MYLK4: variants seen among roughly 807,000 people sequenced by gnomAD.
MYLK4 encodes the protein myosin light chain kinase family member 4, also known as caMLCK like.
Under a neutral mutation model 48.1 loss-of-function variants are expected in MYLK4, and 46 were observed. That is an observed-to-expected ratio of 0.96 (90% CI 0.75 to 1.22). The LOEUF (loss-of-function observed/expected upper bound fraction) is 1.22, where lower values mean the gene tolerates loss of function less well. Ranked by LOEUF, MYLK4 falls within the 50% of genes most tolerant of loss-of-function variation. The pLI, the probability that MYLK4 is intolerant of heterozygous loss-of-function variation, is 0.00. For synonymous variants in MYLK4, 170 were observed against 180.8 expected (o/e 0.94, Z 0.48); for missense variants, 451 against 486.1 (o/e 0.93, Z 0.68).
At chr6:2,674,934 G>T in intron 11 of MYLK4, 113 bp downstream of exon 11, 1 of 845,460 alleles carries the variant, frequency 1.2e-6, no homozygotes, top group Non-Finnish European at 1.9e-6. Context: ...TTTGCAGTCT[G>T]TGAGAAAAAG....
chr6:2,766,418 C>T, the MYLK4 span: 42 of 1,592,208 alleles, frequency 2.6e-5, no homozygotes, highest in Admixed American at 2.6e-4. Context: ...CTCGCTTATC[C>T]TGTGGGGGCC....
intron 2 of MYLK4, among the ~76,000 whole-genome samples, chr6:2,717,117 C>G (rs1286975213): frequency 6.6e-6 from 1 of 152,204 alleles, no homozygotes; most frequent in Admixed American, 6.5e-5. Context: ...TTAGCAGCCA[C>G]TGCAGGCAAG....
At chr6:2,744,915 G>A (rs572912800) in intron 2 of MYLK4, among the ~76,000 whole-genome samples, 2 of 152,348 alleles carry the variant, frequency 1.3e-5, no homozygotes, top group Admixed American at 6.5e-5. Context: ...TCTTCCAGGC[G>A]CGGATGTGGA....
upstream of MYLK4, among the ~76,000 whole-genome samples, chr6:2,752,217 T>A (rs1313559412): frequency 6.6e-6 from 1 of 152,212 alleles, no homozygotes; most frequent in East Asian, 1.9e-4. Context: ...AAACTTTTCC[T>A]TTTAGAGTAG....
chr6:2,766,064 G>A, the MYLK4 span: 1 of 1,294,428 alleles, frequency 7.7e-7, no homozygotes, highest in Non-Finnish European at 9.8e-7. Context: ...GGCCGCCGCC[G>A]CGGCGGGGAG....
At position 2,667,268 on chromosome 6, in the gene MYLK4, G is replaced by A. The variant is rs1279245510; in HGVS notation, c.*657C>T. ...ATCAGCTACATGGAAGAAAACGCAC[G>A]CTGGGGACAATTCAGAATAAATGAA... On this transcript the variant is annotated 3_prime_UTR_variant, in exon 13 of 13. Coordinates refer to ENST00000274643, the MANE Select transcript of MYLK4 (RefSeq NM_001012418.5). The A allele has an allele frequency of 6.6e-6, 1 of 152,188 alleles. No individual in the cohort carries two copies. 9.4% of individuals were successfully genotyped at this position (152,188 alleles called of 1,614,324 possible).
At chr6:2,667,947 A>T (rs945976126) in intron 12 of MYLK4, 48 bp from the exon 13 acceptor site, 3 of 152,616 alleles carry the variant, frequency 2.0e-5, no homozygotes, top group African/African-American at 7.2e-5. Context: ...CAGGGTTTTT[A>T]AAATTATAAT....
Position 2,675,053 on chromosome 6 carries a change from ATT to A in MYLK4, c.1111_1112del (p.Asn371CysfsTer10). 1 of 1,613,624 alleles carries A rather than the reference ATT, an allele frequency of 6.2e-7. No individual in the cohort carries two copies. The highest frequency in any genetic ancestry group is 1.6e-4 in the Middle Eastern group (1 of 6,062). ...LSDHKLHSRL[N>X]AQKKKNRGSD... The stretch of plus-strand genomic sequence containing the variant: ...AGCAAGAAGCCGTGGTCACCTGGGC[ATT>A]GAGTCTGGAGTGGAGCTTGTGGTCT... On this transcript the variant is annotated frameshift_variant, in exon 11 of 13. Coordinates refer to ENST00000274643, the MANE Select transcript of MYLK4 (RefSeq NM_001012418.5). LOFTEE classifies it high-confidence loss of function.
At chr6:2,767,253 A>G in the MYLK4 span, among the ~76,000 whole-genome samples, 1 of 152,244 alleles carries the variant, frequency 6.6e-6, no homozygotes, top group East Asian at 1.9e-4. Flanking sequence ...TGAGCCAGAA[A>G]ACAGAGAAAG....
At chr6:2,743,768 C>A (rs1221919283) in intron 2 of MYLK4, 1 of 395,574 alleles carries the variant, frequency 2.5e-6, no homozygotes, top group African/African-American at 2.1e-5. Flanking sequence ...CTCAACTGCC[C>A]CTAAGACCAG....
chr6:2,719,384 A>G (rs1762987644), intron 2 of MYLK4, among the ~76,000 whole-genome samples: 2 of 152,224 alleles, frequency 1.3e-5, no homozygotes, highest in Non-Finnish European at 2.9e-5. Context: ...ACACATGCAC[A>G]CAAACATCTC....
the MYLK4 span, among the ~76,000 whole-genome samples, chr6:2,766,745 C>T: frequency 6.6e-6 from 1 of 152,148 alleles, no homozygotes; most frequent in African/African-American, 2.4e-5. Flanking sequence ...CTTTATCTTC[C>T]ATCGGTCTCC....
the MYLK4 span, chr6:2,766,549 C>T: frequency 5.1e-4 from 718 of 1,413,174 alleles, no homozygotes; most frequent in Non-Finnish European, 6.2e-4. Context: ...CCGCCTGCCT[C>T]TCCTGGATAA....
chr6:2,734,622 TC>T (rs1763602363), intron 2 of MYLK4, among the ~76,000 whole-genome samples: 1 of 152,110 alleles, frequency 6.6e-6, no homozygotes, highest in Non-Finnish European at 1.5e-5. Flanking sequence ...TAATATACAC[TC>T]ATACACATAT....
At chr6:2,707,173 A>T (rs1468924174) in intron 2 of MYLK4, among the ~76,000 whole-genome samples, 1 of 152,158 alleles carries the variant, frequency 6.6e-6, no homozygotes, top group African/African-American at 2.4e-5. Context: ...ATTTCAACCA[A>T]CTGCAGAAAA....
chr6:2,745,304 C>T (rs1013140662), intron 2 of MYLK4, among the ~76,000 whole-genome samples: 2 of 151,086 alleles, frequency 1.3e-5, no homozygotes, highest in Non-Finnish European at 3.0e-5. Context: ...AGAGAACTGA[C>T]AAAAGAAAAA....
intron 7 of MYLK4, among the ~76,000 whole-genome samples, chr6:2,682,449 AC>A (rs1165083364): frequency 6.6e-6 from 1 of 152,080 alleles, no homozygotes; most frequent in Admixed American, 6.5e-5. Flanking sequence ...TGTGCTTTCC[AC>A]CATTGGCAGT....
intron 10 of MYLK4, among the ~76,000 whole-genome samples, chr6:2,675,721 ACC>A (rs1761054769): frequency 6.6e-6 from 1 of 152,218 alleles, no homozygotes; most frequent in Non-Finnish European, 1.5e-5. Context: ...ATATAGATTT[ACC>A]ATATTTAAAT....
At chr6:2,752,893 T>C (rs905970546), upstream of MYLK4, among the ~76,000 whole-genome samples, 1 of 152,180 alleles carries the variant, frequency 6.6e-6, no homozygotes, top group South Asian at 2.1e-4. Flanking sequence ...GTTCCCAGCT[T>C]CCGATGGCAT....
Sources: allele counts gnomAD v4.1 joint callset (sites outside exome capture counted in the v4.1 genomes callset), GRCh38; gene constraint gnomAD v4.1.1; transcripts MANE v1.5; gene names NCBI Gene and HGNC (gene_info 2026-07-23, HGNC 2026-07-21).